Variants in SOX5 observed in about 807,000 individuals in gnomAD.
The protein encoded by SOX5 is SRY-box transcription factor 5, also known as transcription factor SOX-5.
SOX5 carries 9 observed loss-of-function variants against 92.0 expected under a neutral mutation model. The observed-to-expected ratio is 0.10, with a 90% CI of 0.06 to 0.17. The LOEUF (loss-of-function observed/expected upper bound fraction) is 0.17. SOX5 is among the 10% of genes least tolerant of loss of function. The pLI is 1.00. For synonymous variants in SOX5, 344 were observed against 336.3 expected, an observed-to-expected ratio of 1.02 and a Z score of -0.25; for missense variants, 642 against 944.5, an observed-to-expected ratio of 0.68 and a Z score of 4.20.
chr12:24,079,039 T>C (rs1943001950), intron 4 of SOX5, among the ~76,000 whole-genome samples: 1 of 151,938 alleles, frequency 6.6e-6, no homozygotes, highest in Non-Finnish European at 1.5e-5. Flanking sequence ...AAATTACAAC[T>C]CTGCCCAGGT....
At chr12:23,915,104 C>G (rs1011001245) in intron 1 of SOX5, among the ~76,000 whole-genome samples, 3 of 152,104 alleles carry the variant, frequency 2.0e-5, no homozygotes, top group African/African-American at 7.2e-5. Context: ...TACTTAACCT[C>G]TCTGAGTCCC....
At chr12:24,314,136 C>A (rs897280971) in intron 2 of SOX5, among the ~76,000 whole-genome samples, 5 of 152,080 alleles carry the variant, frequency 3.3e-5, no homozygotes, top group Non-Finnish European at 7.4e-5. Context: ...TCCCACCTTG[C>A]CTCCCTGTTT....
intron 4 of SOX5, among the ~76,000 whole-genome samples, chr12:24,004,589 T>C (rs892575846): frequency 6.6e-6 from 1 of 152,034 alleles, no homozygotes; most frequent in Non-Finnish European, 1.5e-5. Flanking sequence ...CTCACAATGG[T>C]GGCCATATTT....
intron 3 of SOX5, among the ~76,000 whole-genome samples, chr12:23,771,144 C>G (rs1157543153): frequency 7.8e-6 from 1 of 128,234 alleles, no homozygotes; most frequent in Non-Finnish European, 1.6e-5. Flanking sequence ...GCTTTTATAT[C>G]AATTTTTAAG....
In SOX5 at chr12:23,970,841, A is replaced by ATATATTTTTTTTTTTTTTTTTTTTT; in HGVS notation, c.-1-74818_-1-74817insAAAAAAAAAAAAAAAAAAAAATATA. 3.2e-4 allele frequency among the ~76,000 whole-genome samples: 7 copies of ATATATTTTTTTTTTTTTTTTTTTTT among 21,882 alleles called. 1 individual carries two copies. The highest frequency in any genetic ancestry group is 7.7e-4 in the Admixed American group (1 of 1,292). The allele number at this position is 21,882 out of a possible 152,430, so 14.4% of individuals were successfully genotyped here. Reference sequence around the variant, plus strand: ...ACATGGGACTTTATATATATATATAATTTTTTTTTTTTTTTAAGAAATGGG... The same window carrying ATATATTTTTTTTTTTTTTTTTTTTT: ...ACATGGGACTTTATATATATATATAATATATTTTTTTTTTTTTTTTTTTTTTTTTTTTTTTTTTTTAAGAAATGGG... On this transcript the variant is annotated intron_variant, in intron 4 of 4. Coordinates refer to the SOX5 transcript ENST00000446891.
At chr12:24,158,350 A>T (rs971866009) in intron 4 of SOX5, among the ~76,000 whole-genome samples, 9 of 152,058 alleles carry the variant, frequency 5.9e-5, no homozygotes, top group African/African-American at 1.9e-4. Context: ...CTGACCAGGG[A>T]AATATTTTAC....
At chr12:24,448,866 C>T (rs1450821661) in intron 1 of SOX5, among the ~76,000 whole-genome samples, 1 of 152,110 alleles carries the variant, frequency 6.6e-6, no homozygotes, top group Non-Finnish European at 1.5e-5. Flanking sequence ...GAAGGTCTAA[C>T]AGGCATTTCC....
At chr12:23,734,845 C>G in intron 5 of SOX5, 93 bp from the exon 6 acceptor site, 1 of 927,968 alleles carries the variant, frequency 1.1e-6, no homozygotes, top group Non-Finnish European at 1.7e-6. Flanking sequence ...TGATTTGACA[C>G]TGATTAAGAT....
intron 1 of SOX5, among the ~76,000 whole-genome samples, chr12:24,436,699 A>G (rs1367290200): frequency 6.6e-6 from 1 of 152,246 alleles, no homozygotes; most frequent in Non-Finnish European, 1.5e-5. Flanking sequence ...ACACATTTTC[A>G]TTGTAGATAA....
At chr12:23,980,127 GT>G (rs1462036014) in intron 4 of SOX5, among the ~76,000 whole-genome samples, 12 of 151,956 alleles carry the variant, frequency 7.9e-5, no homozygotes, top group East Asian at 1.9e-4. Flanking sequence ...GCCATAATGA[GT>G]TTTTTTAGCA....
intron 2 of SOX5, among the ~76,000 whole-genome samples, chr12:23,853,436 AG>A (rs1330742037): frequency 6.6e-6 from 1 of 151,940 alleles, no homozygotes; most frequent in African/African-American, 2.4e-5. Context: ...CTGCAAGTTA[AG>A]GGCAAATTTT....
intron 4 of SOX5, among the ~76,000 whole-genome samples, chr12:24,089,700 GCTTTC>G (rs1944417304): frequency 6.6e-6 from 1 of 152,148 alleles, no homozygotes; most frequent in Non-Finnish European, 1.5e-5. Context: ...GGCCTTATGT[GCTTTC>G]CTCTCTGGTC....
chr12:24,192,697 C>T (rs2139425209), intron 4 of SOX5, among the ~76,000 whole-genome samples: 1 of 152,210 alleles, frequency 6.6e-6, no homozygotes, highest in East Asian at 1.9e-4. Flanking sequence ...GGAAACAAAC[C>T]ACGACATTCT....
intron 2 of SOX5, among the ~76,000 whole-genome samples, chr12:23,870,521 A>T (rs896923481): frequency 2.6e-5 from 4 of 152,170 alleles, no homozygotes; most frequent in Non-Finnish European, 4.4e-5. Context: ...ACAAGAAAGC[A>T]CTTAACAAGG....
intron 10 of SOX5, among the ~76,000 whole-genome samples, chr12:23,569,020 C>A (rs1230070570): frequency 1.3e-5 from 2 of 152,064 alleles, no homozygotes; most frequent in Non-Finnish European, 2.9e-5. Context: ...GAAATCCCAT[C>A]TCTACAAAAA....
intron 1 of SOX5, among the ~76,000 whole-genome samples, chr12:24,441,934 C>T (rs889458795): frequency 6.6e-6 from 1 of 152,112 alleles, no homozygotes; most frequent in African/African-American, 2.4e-5. Context: ...AAATATAATA[C>T]ATGGAAATCC....
intron 9 of SOX5, among the ~76,000 whole-genome samples, chr12:23,597,670 C>T (rs1287482227): frequency 6.6e-6 from 1 of 152,184 alleles, no homozygotes; most frequent in Non-Finnish European, 1.5e-5. Context: ...TGCAGTTTAA[C>T]TCTATGGGGT....
intron 3 of SOX5, among the ~76,000 whole-genome samples, chr12:24,270,179 G>A (rs1368539213): frequency 1.3e-5 from 2 of 151,938 alleles, no homozygotes; most frequent in African/African-American, 4.8e-5. Flanking sequence ...CTCTGCCTTA[G>A]CCTCCCGAGT....
chr12:23,846,607 C>T (rs1412397070), intron 2 of SOX5, among the ~76,000 whole-genome samples: 1 of 152,108 alleles, frequency 6.6e-6, no homozygotes, highest in Non-Finnish European at 1.5e-5. Context: ...ATGTAGTGAT[C>T]ATTTGTGTTA....
Sources: gnomAD v4.1 joint callset for allele counts (sites outside exome capture counted in the v4.1 genomes callset) on GRCh38, gnomAD v4.1.1 for gene constraint, MANE v1.5 for transcripts, NCBI Gene and HGNC (gene_info 2026-07-23, HGNC 2026-07-21) for gene names.